The following LY86 variants were observed in gnomAD, a reference collection of about 807,000 sequenced individuals.
LY86 encodes lymphocyte antigen 86.
LY86 carries 20 observed loss-of-function variants against 17.3 expected under a neutral mutation model. That is an observed-to-expected ratio of 1.15 (90% CI 0.81 to 1.68). The LOEUF (loss-of-function observed/expected upper bound fraction) is 1.68. Among genes scored for constraint, LY86 ranks in the 40% most tolerant of loss-of-function variants. The probability of loss-of-function intolerance (pLI) is 0.00; values close to 1 mark genes in which losing one functional copy is unlikely to be tolerated. For synonymous variants in LY86, 74 were observed against 70.6 expected, an observed-to-expected ratio of 1.05 and a Z score of -0.24; for missense variants, 200 against 191.9, an observed-to-expected ratio of 1.04 and a Z score of -0.25.
chr6:6,601,762 AG>A (rs888868044), intron 1 of LY86, among the ~76,000 whole-genome samples: 91 of 152,266 alleles, frequency 6.0e-4, no homozygotes, highest in African/African-American at 2.2e-3. Flanking sequence ...AGAAAGCAGA[AG>A]GGACCATGGT....
intron 1 of LY86, among the ~76,000 whole-genome samples, chr6:6,604,122 TATTA>T (rs1361551571): frequency 4.6e-5 from 7 of 152,080 alleles, no homozygotes; most frequent in Non-Finnish European, 1.0e-4. Flanking sequence ...CAGAAGGAAA[TATTA>T]ATTATCTCTA....
intron 1 of LY86, among the ~76,000 whole-genome samples, chr6:6,603,596 AC>A (rs66609535): frequency 0.38 from 34,538 of 90,702 alleles, 6,972 homozygotes; most frequent in East Asian, 0.61. Context: ...AAAAACAAAA[AC>A]AGAAACAGAA....
intron 3 of LY86, among the ~76,000 whole-genome samples, chr6:6,638,142 A>G (rs896937290): frequency 6.6e-6 from 1 of 152,232 alleles, no homozygotes; most frequent in African/African-American, 2.4e-5. Flanking sequence ...CCCTGCAGCC[A>G]TTAAGTACTA....
At chr6:6,638,236 A>G (rs1035031639) in intron 3 of LY86, among the ~76,000 whole-genome samples, 2 of 152,242 alleles carry the variant, frequency 1.3e-5, no homozygotes, top group Admixed American at 1.3e-4. Context: ...AAAATAATGT[A>G]AATATCTCAT....
At chr6:6,605,275 CTCACA>C (rs1761070796) in intron 1 of LY86, among the ~76,000 whole-genome samples, 1 of 78,204 alleles carries the variant, frequency 1.3e-5, no homozygotes, top group Non-Finnish European at 3.4e-5. Flanking sequence ...ATCACCTCAC[CTCACA>C]GTTTTTTTCC....
At chr6:6,648,889 G>T (rs1762145843) in intron 3 of LY86, among the ~76,000 whole-genome samples, 1 of 151,978 alleles carries the variant, frequency 6.6e-6, no homozygotes, top group South Asian at 2.1e-4. Flanking sequence ...ACACCCTCCT[G>T]CCTCTCTCAT....
At chr6:6,592,631 G>C (rs762403992) in intron 1 of LY86, among the ~76,000 whole-genome samples, 1 of 152,168 alleles carries the variant, frequency 6.6e-6, no homozygotes, top group Non-Finnish European at 1.5e-5. Flanking sequence ...GGGGCCTTTA[G>C]GAAGTGATTA....
chr6:6,649,735 G>C (rs1033564418), intron 4 of LY86, 58 bp downstream of exon 4: 1 of 969,536 alleles, frequency 1.0e-6, no homozygotes, highest in Non-Finnish European at 1.5e-6. Context: ...AGAAGAAGAA[G>C]GCTAGAAGGA....
chr6:6,640,629 C>CT (rs1333327325), intron 3 of LY86, among the ~76,000 whole-genome samples: 5 of 151,828 alleles, frequency 3.3e-5, no homozygotes, highest in Admixed American at 1.3e-4. Flanking sequence ...AGGAGGATCA[C>CT]TTGAGCCCAG....
intron 3 of LY86, among the ~76,000 whole-genome samples, chr6:6,644,073 C>A (rs1762077074): frequency 6.6e-6 from 1 of 152,194 alleles, no homozygotes; most frequent in Non-Finnish European, 1.5e-5. Flanking sequence ...AATGCTTCAG[C>A]ATTAATGTAC....
chr6:6,606,422 G>A (rs531217284), intron 1 of LY86, among the ~76,000 whole-genome samples: 42 of 152,326 alleles, frequency 2.8e-4, no homozygotes, highest in African/African-American at 9.6e-4. Flanking sequence ...ACTGGATCCT[G>A]CACCTGGGCG....
rs145207394 is a variant in LY86 at position 6,612,067 on chromosome 6, A to C, written c.137-12859A>C. 4.9e-4 allele frequency among the ~76,000 whole-genome samples: 75 copies of C among 152,330 alleles called. 1 individual carries two copies. In the Middle Eastern group the frequency reaches 0.01, roughly 21 times the overall value. ...AGCAAATTGAAGATGTTAAAAAGCC[A>C]ATGTATTAGCAAGATTTGAGAAGAT... On this transcript the variant is annotated intron_variant, in intron 1 of 4. Coordinates refer to ENST00000230568, the MANE Select transcript of LY86 (RefSeq NM_004271.4).
chr6:6,598,075 ATATTGTAT>A (rs1439604857), intron 1 of LY86, among the ~76,000 whole-genome samples: 1 of 152,240 alleles, frequency 6.6e-6, no homozygotes, highest in Non-Finnish European at 1.5e-5. Context: ...TAGTCGTCTT[ATATTGTAT>A]TTTTTAAATA....
At chr6:6,654,210 G>A (rs953183108) in intron 4 of LY86, among the ~76,000 whole-genome samples, 2 of 152,176 alleles carry the variant, frequency 1.3e-5, no homozygotes, top group Non-Finnish European at 2.9e-5. Flanking sequence ...AAATGTCGTC[G>A]TCTCAGCAGG....
At chr6:6,606,168 C>T (rs1056722357) in intron 1 of LY86, among the ~76,000 whole-genome samples, 1 of 152,100 alleles carries the variant, frequency 6.6e-6, no homozygotes, top group Non-Finnish European at 1.5e-5. Flanking sequence ...CTGATTGGTG[C>T]GTTTACAATC....
rs141287545 is a variant in LY86 at position 6,649,552 on chromosome 6, C to A, written c.353-73C>A. ...CAATAATTGTCACACATCTGTGTAA[C>A]CACAAATCATGTGAATGAATCATTT... On this transcript the variant is annotated intron_variant, in intron 3 of 4. Coordinates refer to ENST00000230568, the MANE Select transcript of LY86 (RefSeq NM_004271.4). 3.7e-3 allele frequency: 3,534 copies of A among 962,166 alleles called. 33 individuals carry two copies. Among genetic ancestry groups the A allele is most frequent in the Middle Eastern group, 0.022 (77 of 3,578 alleles). The allele number at this position is 962,166 out of a possible 1,614,324, so 59.6% of individuals were successfully genotyped here.
At chr6:6,602,177 G>A (rs1378393032) in intron 1 of LY86, among the ~76,000 whole-genome samples, 2 of 152,162 alleles carry the variant, frequency 1.3e-5, no homozygotes, top group Non-Finnish European at 2.9e-5. Flanking sequence ...GAGTCCTGAA[G>A]AATGCTAATT....
At chr6:6,614,999 A>C (rs978336684) in intron 1 of LY86, among the ~76,000 whole-genome samples, 1 of 152,156 alleles carries the variant, frequency 6.6e-6, no homozygotes, top group African/African-American at 2.4e-5. Flanking sequence ...TAAATTCTGT[A>C]CACCTTGTGA....
At chr6:6,650,942 T>C (rs942401764) in intron 4 of LY86, among the ~76,000 whole-genome samples, 1 of 152,226 alleles carries the variant, frequency 6.6e-6, no homozygotes, top group African/African-American at 2.4e-5. Flanking sequence ...TCATGTTTTT[T>C]AGCTCCCACA....
Sources: gnomAD v4.1 joint callset for allele counts (sites outside exome capture counted in the v4.1 genomes callset) on GRCh38, gnomAD v4.1.1 for gene constraint, MANE v1.5 for transcripts, NCBI Gene and HGNC (gene_info 2026-07-23, HGNC 2026-07-21) for gene names.